Variants in PRKACA observed in about 807,000 individuals in gnomAD.
PRKACA encodes protein kinase cAMP-activated catalytic subunit alpha, also known as cAMP-dependent protein kinase catalytic subunit alpha.
A neutral mutation model predicts 45.8 loss-of-function variants in PRKACA; 9 were observed. The observed-to-expected ratio is 0.20, with a 90% CI of 0.12 to 0.34. The LOEUF is 0.34. Ranked by LOEUF, PRKACA falls within the 10% of genes least tolerant of loss-of-function variation. The pLI is 1.00. For synonymous variants in PRKACA, 160 were observed against 178.6 expected (o/e 0.90, Z 0.83); for missense variants, 238 against 458.6 (o/e 0.52, Z 4.39).
chr19:14,107,994 G>T (rs976741992), intron 1 of PRKACA: 1 of 985,966 alleles, frequency 1.0e-6, no homozygotes. Flanking sequence ...TCACCGCCTG[G>T]CTAATGTTGA....
chr19:14,114,614 C>T (rs961115981), intron 1 of PRKACA, among the ~76,000 whole-genome samples: 11 of 152,098 alleles, frequency 7.2e-5, no homozygotes, highest in African/African-American at 2.7e-4. Flanking sequence ...TATCTTCAGC[C>T]AGTGCCAGCC....
At chr19:14,105,129 CA>C (rs1216165770) in intron 3 of PRKACA, among the ~76,000 whole-genome samples, 1 of 151,856 alleles carries the variant, frequency 6.6e-6, no homozygotes, top group African/African-American at 2.4e-5. Context: ...GGGAAAAAAA[CA>C]AAAGGAATGT....
Position 14,117,612 on chromosome 19 carries a change from G to A in PRKACA, c.-65C>T, listed in dbSNP as rs1967137671. Reference sequence around the variant, plus strand: ...GCGGCGGGTGCTGGCTGCGGCCGGCGGCCCCGGAGCGCGCTGGGCGGCGGC... The same window carrying A: ...GCGGCGGGTGCTGGCTGCGGCCGGCAGCCCCGGAGCGCGCTGGGCGGCGGC... On this transcript the variant is annotated 5_prime_UTR_variant, in exon 1 of 10. Coordinates refer to ENST00000308677, the MANE Select transcript of PRKACA (RefSeq NM_002730.4). The A allele has an allele frequency of 4.3e-6, 4 of 937,424 alleles. No homozygotes were observed. The highest frequency in any genetic ancestry group is 5.1e-6 in the Non-Finnish European group (4 of 788,320). 58.1% of individuals were successfully genotyped at this position (937,424 alleles called of 1,614,324 possible). A position where few individuals can be genotyped will look rare whatever the true frequency, so the allele number is the denominator to read the frequency against.
At chr19:14,094,896 A>G (rs1977200051) in intron 8 of PRKACA, among the ~76,000 whole-genome samples, 1 of 152,236 alleles carries the variant, frequency 6.6e-6, no homozygotes, top group South Asian at 2.1e-4. Context: ...GCAAGTCATC[A>G]CTGGAGTTAT....
intron 1 of PRKACA, among the ~76,000 whole-genome samples, chr19:14,110,037 C>T (rs1227562868): frequency 1.5e-5 from 2 of 131,656 alleles, no homozygotes; most frequent in African/African-American, 5.7e-5. Context: ...GAGCCGGGAA[C>T]GGTGGCTCAT....
At chr19:14,094,491 A>G (rs1977188282) in intron 8 of PRKACA, among the ~76,000 whole-genome samples, 1 of 152,214 alleles carries the variant, frequency 6.6e-6, no homozygotes, top group South Asian at 2.1e-4. Flanking sequence ...GCCTGGCCCA[A>G]GAATCTGCAT....
intron 8 of PRKACA, among the ~76,000 whole-genome samples, chr19:14,094,619 T>C (rs936454752): frequency 6.6e-6 from 1 of 152,198 alleles, no homozygotes; most frequent in African/African-American, 2.4e-5. Flanking sequence ...GAGGCTTGGG[T>C]TAAACAGCTC....
At chr19:14,116,835 C>CA (rs1330128321) in intron 1 of PRKACA, among the ~76,000 whole-genome samples, 1 of 151,958 alleles carries the variant, frequency 6.6e-6, no homozygotes, top group Non-Finnish European at 1.5e-5. Flanking sequence ...AGCAGAATGA[C>CA]AGAGTGACAG....
intron 1 of PRKACA, among the ~76,000 whole-genome samples, chr19:14,110,403 C>A (rs1966932934): frequency 6.6e-6 from 1 of 151,720 alleles, no homozygotes. Context: ...CATCAAAACC[C>A]TCTACAAAAA....
intron 1 of PRKACA, chr19:14,115,018 A>T: frequency 1.1e-6 from 1 of 947,684 alleles, no homozygotes; most frequent in Non-Finnish European, 1.3e-6. Context: ...CCCTTCTAAG[A>T]GGGCAAATTT....
rs567406683 is a variant in PRKACA, at chr19:14,107,711, C to T, written c.47-302G>A. The stretch of plus-strand genomic sequence containing the variant: ...CACCCCCACTCGCCCCAGTTCTGAC[C>T]GACATTCCATGGCCAGGGCCGACGC... On this transcript the variant is annotated intron_variant, in intron 1 of 9. Coordinates refer to ENST00000308677, the MANE Select transcript of PRKACA (RefSeq NM_002730.4). 470 of 1,167,222 alleles carry T rather than the reference C, an allele frequency of 4.0e-4. 3 individuals carry two copies. Among genetic ancestry groups the T allele is most frequent in the Middle Eastern group, 1.5e-3 (4 of 2,740 alleles). The allele number at this position is 1,167,222 out of a possible 1,614,324, so 72.3% of individuals were successfully genotyped here.
At chr19:14,111,024 T>C (rs1966948975) in intron 1 of PRKACA, among the ~76,000 whole-genome samples, 1 of 152,198 alleles carries the variant, frequency 6.6e-6, no homozygotes, top group African/African-American at 2.4e-5. Context: ...CCACATGGCC[T>C]TGTGGGGAGC....
rs760188119 is a variant in PRKACA at position 14,097,848 on chromosome 19, G to C, written c.462C>G (p.Thr154=). 1 of 1,614,148 alleles carries C rather than the reference G, an allele frequency of 6.2e-7. No homozygotes were observed. Among genetic ancestry groups the C allele is most frequent in the Non-Finnish European group, 8.5e-7 (1 of 1,180,030 alleles). ...GATCCAGCGAGTGCAGATACTCAAA[G>C]GTCAGGACGATCTGGGCCGCGTAGA... ...ARFYAAQIVL[T]FEYLHSLDLI... The change falls in exon 6 of 10, where the codon ACC becomes ACG. Residue 154 remains threonine, a synonymous_variant. Transcript: ENST00000308677. The surrounding 1 kb of genome is among the most constrained non-coding windows in gnomAD (Gnocchi z 5.4).
At chr19:14,104,199 T>C (rs1977531072) in intron 3 of PRKACA, among the ~76,000 whole-genome samples, 1 of 149,142 alleles carries the variant, frequency 6.7e-6, no homozygotes, top group South Asian at 2.1e-4. Context: ...TAGCCGGGTG[T>C]GGTGGCGGGC....
Position 14,097,065 on chromosome 19 carries a change from G to A in PRKACA, c.765+296C>T. 2.3e-6 allele frequency: 1 copy of A among 428,602 alleles called. No individual in the cohort carries two copies. Among genetic ancestry groups the A allele is most frequent in the East Asian group, 5.1e-5 (1 of 19,436 alleles). 26.5% of individuals were successfully genotyped at this position (428,602 alleles called of 1,614,324 possible). On this transcript the variant is annotated intron_variant, in intron 8 of 9. Transcript: ENST00000308677. The surrounding 1 kb of genome is among the most constrained non-coding windows in gnomAD (Gnocchi z 5.4). Reference sequence around the variant, plus strand: ...GAAAACTCACACTAACTGGGATGAGGAGCGAAAAGGAGGGTCGTCTGGCAG... The same window carrying A: ...GAAAACTCACACTAACTGGGATGAGAAGCGAAAAGGAGGGTCGTCTGGCAG...
At position 14,097,228 on chromosome 19, in the gene PRKACA, G is replaced by T; in HGVS notation, c.765+133C>A. The T allele has an allele frequency of 6.9e-7, 1 of 1,442,678 alleles. No homozygotes were observed. Among genetic ancestry groups the T allele is most frequent in the Non-Finnish European group, 9.6e-7 (1 of 1,046,996 alleles). 89.4% of individuals were successfully genotyped at this position (1,442,678 alleles called of 1,614,324 possible). A position where few individuals can be genotyped will look rare whatever the true frequency, so the allele number is the denominator to read the frequency against. On this transcript the variant is annotated intron_variant, in intron 8 of 9. Coordinates refer to ENST00000308677, the MANE Select transcript of PRKACA (RefSeq NM_002730.4). This position sits in a 1 kb window ranked among gnomAD's most constrained non-coding sequence, Gnocchi z 5.4. The stretch of plus-strand genomic sequence containing the variant: ...GGCCTCAGTGTGGCCGGCGCGTCCA[G>T]CTTCACCACCTGGCCTGACTTAAGG...
chr19:14,102,367 TG>T (rs1356327957), intron 4 of PRKACA, among the ~76,000 whole-genome samples: 1 of 152,088 alleles, frequency 6.6e-6, no homozygotes, highest in South Asian at 2.1e-4. Context: ...AAGACGTGCC[TG>T]GAACTGTCAT....
intron 1 of PRKACA, 93 bp from the exon 2 acceptor site, chr19:14,107,502 G>A: frequency 1.4e-6 from 2 of 1,456,714 alleles, no homozygotes; most frequent in Non-Finnish European, 1.9e-6. Flanking sequence ...TGGAAAGTGG[G>A]GTGCAGTTCC....
chr19:14,098,810 A>C (rs1488128766), intron 5 of PRKACA, among the ~76,000 whole-genome samples: 1 of 105,926 alleles, frequency 9.4e-6, no homozygotes, highest in Non-Finnish European at 1.9e-5. Flanking sequence ...TCTGTATGTT[A>C]TTGGAAAAAA....
Sources: gnomAD v4.1 joint callset for allele counts (sites outside exome capture counted in the v4.1 genomes callset) on GRCh38, gnomAD v4.1.1 for gene constraint, Gnocchi (gnomAD v3.1) non-coding constraint, MANE v1.5 for transcripts, NCBI Gene and HGNC (gene_info 2026-07-23, HGNC 2026-07-21) for gene names.